ADCYAP1R1: variants seen among roughly 807,000 people sequenced by gnomAD.
ADCYAP1R1 encodes pituitary adenylate cyclase-activating polypeptide type I receptor.
Under a neutral mutation model 67.6 loss-of-function variants are expected in ADCYAP1R1, and 44 were observed. The observed-to-expected ratio is 0.65, with a 90% CI of 0.51 to 0.84. The LOEUF (loss-of-function observed/expected upper bound fraction) is 0.84. Ranked by LOEUF, ADCYAP1R1 falls within the 40% of genes least tolerant of loss-of-function variation. The pLI, the probability that ADCYAP1R1 is intolerant of heterozygous loss-of-function variation, is 0.00. For missense variants in ADCYAP1R1, 477 were observed against 587.9 expected, an observed-to-expected ratio of 0.81 and a Z score of 1.95; for synonymous variants, 222 against 219.6, an observed-to-expected ratio of 1.01 and a Z score of -0.10.
chr7:31,063,512 C>A (rs1794600904), intron 2 of ADCYAP1R1, among the ~76,000 whole-genome samples, 197 bp downstream of exon 2: 1 of 152,166 alleles, frequency 6.6e-6, no homozygotes, highest in South Asian at 2.1e-4. Context: ...ACTGATTTGA[C>A]CAGAAATGAT....
rs993619420 is a variant in ADCYAP1R1, at chr7:31,086,009, C to A, written c.670-375C>A. Among the ~76,000 whole-genome samples, 3 of 152,302 alleles carry A rather than the reference C, an allele frequency of 2.0e-5. No individual in the cohort carries two copies. Among genetic ancestry groups the A allele is most frequent in the Non-Finnish European group, 2.9e-5 (2 of 68,018 alleles). On this transcript the variant is annotated intron_variant, in intron 9 of 15. Coordinates refer to ENST00000304166, the MANE Select transcript of ADCYAP1R1 (RefSeq NM_001118.5). This position sits in a 1 kb window ranked among gnomAD's most constrained non-coding sequence, Gnocchi z 5.0. ...TGGAAGCTAGGAATATGTATCCCCCCACCTGAAAGGTGTCCAAATCCTCAT... is the reference window on the plus strand; with the variant it reads ...TGGAAGCTAGGAATATGTATCCCCCAACCTGAAAGGTGTCCAAATCCTCAT...
At chr7:31,063,464 T>C in intron 2 of ADCYAP1R1, 149 bp downstream of exon 2, 1 of 790,306 alleles carries the variant, frequency 1.3e-6, no homozygotes, top group Non-Finnish European at 2.1e-6. Context: ...AGTGCCTTTG[T>C]GTGAATCAGA....
intron 1 of ADCYAP1R1, among the ~76,000 whole-genome samples, chr7:31,055,364 C>T (rs761259916): frequency 6.0e-5 from 9 of 151,152 alleles, no homozygotes; most frequent in Admixed American, 2.0e-4. Context: ...TGTGTGCACG[C>T]GCGTGTTGCA....
chr7:31,101,634 A>C (rs1315444834), intron 13 of ADCYAP1R1, among the ~76,000 whole-genome samples: 1 of 152,226 alleles, frequency 6.6e-6, no homozygotes, highest in Non-Finnish European at 1.5e-5. Context: ...CCAGGCATGG[A>C]TAACCAGAGA....
chr7:31,078,071 C>T lies in ADCYAP1R1; in HGVS notation c.238C>T (p.Leu80Phe). The T allele has an allele frequency of 6.2e-7, 1 of 1,612,914 alleles. No individual in the cohort carries two copies. Among genetic ancestry groups the T allele is most frequent in the Non-Finnish European group, 8.5e-7 (1 of 1,179,374 alleles). ...GEMVLVSCPE[L>F]FRIFNPDQVW... is the part of the protein sequence containing the mutation. ...GATGGTCCTGGTCAGCTGCCCTGAGCTCTTCCGAATCTTCAACCCAGACCA... is the reference window on the plus strand; with the variant it reads ...GATGGTCCTGGTCAGCTGCCCTGAGTTCTTCCGAATCTTCAACCCAGACCA... Residue 80 changes from leucine (L) to phenylalanine (F), a missense_variant, in exon 4 of 16, where the codon CTC becomes TTC. Physicochemically the swap from Leu to Phe is conservative, Grantham distance 22. Transcript: ENST00000304166.
At chr7:31,065,399 G>T (rs1794693231) in intron 3 of ADCYAP1R1, among the ~76,000 whole-genome samples, 1 of 152,118 alleles carries the variant, frequency 6.6e-6, no homozygotes, top group South Asian at 2.1e-4. Context: ...AGGAACTTCA[G>T]TCTTGAAGAC....
chr7:31,080,586 C>G, intron 4 of ADCYAP1R1, 27 bp from the exon 5 acceptor site: 1 of 1,565,752 alleles, frequency 6.4e-7, no homozygotes, highest in Non-Finnish European at 8.7e-7. Flanking sequence ...TCTGACTTTT[C>G]TCTCTCTCTC....
chr7:31,061,084 C>A (rs1794481241), intron 1 of ADCYAP1R1, among the ~76,000 whole-genome samples: 1 of 152,204 alleles, frequency 6.6e-6, no homozygotes, highest in African/African-American at 2.4e-5. Context: ...GCAGCCCAGT[C>A]CTAACCGGGG....
chr7:31,071,048 A>G (rs1250076577), intron 3 of ADCYAP1R1, among the ~76,000 whole-genome samples: 1 of 152,202 alleles, frequency 6.6e-6, no homozygotes, highest in Admixed American at 6.5e-5. Flanking sequence ...GCATGCTAAA[A>G]TGGGGACCTT....
intron 13 of ADCYAP1R1, chr7:31,095,734 C>T (rs1259239233): frequency 1.4e-6 from 1 of 718,062 alleles, no homozygotes; most frequent in Non-Finnish European, 2.6e-6. Context: ...CTCAGACCAG[C>T]ATTCACTCCC....
In ADCYAP1R1 at chr7:31,065,683, C is replaced by T. The variant is rs149593161; in HGVS notation, c.157+747C>T. 9.1e-4 allele frequency among the ~76,000 whole-genome samples: 139 copies of T among 152,304 alleles called. 1 individual carries two copies. The highest frequency in any genetic ancestry group is 3.2e-3 in the African/African-American group (134 of 41,562). On this transcript the variant is annotated intron_variant, in intron 3 of 15. Coordinates refer to ENST00000304166, the MANE Select transcript of ADCYAP1R1 (RefSeq NM_001118.5). The stretch of plus-strand genomic sequence containing the variant: ...GAAGCTAAGGCTCACAGAGCAAAGG[C>T]GCCCTCAGCTCTTGGCCTCAGGGGA...
chr7:31,077,810 G>GGT (rs747105746), intron 3 of ADCYAP1R1, among the ~76,000 whole-genome samples, 181 bp from the exon 4 acceptor site: 2 of 146,024 alleles, frequency 1.4e-5, no homozygotes, highest in Middle Eastern at 3.4e-3. Context: ...TCTGTTGTGT[G>GGT]GTGTGTGTGT....
chr7:31,081,788 G>A (rs1795523881), intron 6 of ADCYAP1R1, 34 bp downstream of exon 6: 1 of 1,568,180 alleles, frequency 6.4e-7, no homozygotes, highest in Non-Finnish European at 8.7e-7. Flanking sequence ...CCATGGACTG[G>A]CTGGAGGGAG....
chr7:31,100,310 G>A, intron 13 of ADCYAP1R1: 1 of 985,176 alleles, frequency 1.0e-6, no homozygotes, highest in Admixed American at 2.3e-5. Flanking sequence ...GCCAGCCTCT[G>A]CCTCCCAGCC....
intron 5 of ADCYAP1R1, 82 bp downstream of exon 5, chr7:31,080,715 G>GGA: frequency 1.4e-6 from 2 of 1,475,326 alleles, no homozygotes; most frequent in Non-Finnish European, 1.9e-6. Flanking sequence ...CCCAGGCTCC[G>GGA]GCTGCTGGGA....
At chr7:31,072,397 C>T (rs1795028707) in intron 3 of ADCYAP1R1, among the ~76,000 whole-genome samples, 2 of 152,108 alleles carry the variant, frequency 1.3e-5, no homozygotes, top group Admixed American at 6.5e-5. Context: ...ATTGGCGTGC[C>T]CTCAGTCATG....
intron 3 of ADCYAP1R1, among the ~76,000 whole-genome samples, chr7:31,072,174 C>T (rs1257515108): frequency 1.3e-5 from 2 of 152,130 alleles, no homozygotes; most frequent in Non-Finnish European, 2.9e-5. Flanking sequence ...ACATTTCTTG[C>T]GTGCATGTAT....
At chr7:31,078,999 C>T (rs759159496) in intron 4 of ADCYAP1R1, among the ~76,000 whole-genome samples, 15 of 152,134 alleles carry the variant, frequency 9.9e-5, no homozygotes, top group Non-Finnish European at 1.8e-4. Flanking sequence ...GCCACCAAAA[C>T]GATAGAGCAG....
chr7:31,058,114 G>A (rs1271866782), intron 1 of ADCYAP1R1, among the ~76,000 whole-genome samples: 1 of 152,244 alleles, frequency 6.6e-6, no homozygotes, highest in African/African-American at 2.4e-5. Flanking sequence ...GGACATCAGA[G>A]CTTCCCACTG....
Sources: allele counts gnomAD v4.1 joint callset (sites outside exome capture counted in the v4.1 genomes callset), GRCh38; gene constraint gnomAD v4.1.1; non-coding constraint Gnocchi (gnomAD v3.1); transcripts MANE v1.5; gene names NCBI Gene and HGNC (gene_info 2026-07-23, HGNC 2026-07-21).